Variants in PRKN observed in about 807,000 individuals in gnomAD.
PRKN encodes the protein E3 ubiquitin-protein ligase parkin.
In PRKN, 56 loss-of-function variants were observed where a neutral mutation model predicts 59.5. That is an observed-to-expected ratio of 0.94 (90% confidence interval 0.76 to 1.18). PRKN has a LOEUF of 1.18. Among genes scored for constraint, PRKN ranks in the 50% most tolerant of loss-of-function variants. The pLI is 0.00. For missense variants in PRKN, 657 were observed against 596.4 expected, an observed-to-expected ratio of 1.10 and a Z score of -1.06; for synonymous variants, 250 against 222.1, an observed-to-expected ratio of 1.13 and a Z score of -1.12.
At chr6:162,384,761 C>T (rs1161839275) in intron 2 of PRKN, among the ~76,000 whole-genome samples, 1 of 151,660 alleles carries the variant, frequency 6.6e-6, no homozygotes, top group Non-Finnish European at 1.5e-5. Flanking sequence ...TTACACGCTG[C>T]ATTTCTTTAA....
At chr6:162,606,226 T>C (rs1781907646) in intron 1 of PRKN, among the ~76,000 whole-genome samples, 1 of 152,184 alleles carries the variant, frequency 6.6e-6, no homozygotes, top group Admixed American at 6.5e-5. Flanking sequence ...ATAAACCCAA[T>C]AAACAAATTT....
At chr6:162,312,011 C>T (rs1016981887) in intron 2 of PRKN, among the ~76,000 whole-genome samples, 46 of 152,136 alleles carry the variant, frequency 3.0e-4, no homozygotes, top group Middle Eastern at 3.4e-3. Context: ...CACTTATACA[C>T]CATGCATATA....
intron 6 of PRKN, among the ~76,000 whole-genome samples, chr6:161,877,669 C>T (rs763712973): frequency 3.3e-5 from 5 of 151,768 alleles, no homozygotes; most frequent in Non-Finnish European, 1.5e-5. Flanking sequence ...AGGGTTACAC[C>T]GTGTTAGCCA....
rs1200422955 is a variant in PRKN at position 161,369,462 on chromosome 6, G to A, written c.1168-9257C>T. Among the ~76,000 whole-genome samples the A allele has an allele frequency of 2.6e-5, 4 of 152,152 alleles. No individual in the cohort carries two copies. Among genetic ancestry groups the A allele is most frequent in the African/African-American group, 9.7e-5 (4 of 41,434 alleles). ...GCTGGGTAACTTACCCTCTGTTCCC[G>A]CCTTAGTCATCAAGCTCTAAAGCAA... On this transcript the variant is annotated intron_variant, in intron 10 of 11. Coordinates refer to ENST00000366898, the MANE Select transcript of PRKN (RefSeq NM_004562.3). This position sits in a 1 kb window ranked among gnomAD's most constrained non-coding sequence, Gnocchi z 5.8.
intron 4 of PRKN, among the ~76,000 whole-genome samples, chr6:162,071,107 C>G (rs1402666615): frequency 6.6e-6 from 1 of 151,892 alleles, no homozygotes; most frequent in Non-Finnish European, 1.5e-5. Flanking sequence ...CACATCGTGT[C>G]ACGTTTTCAT....
Position 161,469,896 on chromosome 6 carries a change from G to A in PRKN, c.1083+78958C>T, listed in dbSNP as rs572231525. 3.2e-4 allele frequency among the ~76,000 whole-genome samples: 49 copies of A among 152,306 alleles called. No individual in the cohort carries two copies. In the South Asian group the frequency reaches 8.9e-3, roughly 28 times the overall value. ...GTGAGAGGTAGAGGACCACTAGCCT[G>A]CATTTTCTCATAGAAGCTATAGCAT... On this transcript the variant is annotated intron_variant, in intron 9 of 11. Coordinates refer to ENST00000366898, the MANE Select transcript of PRKN (RefSeq NM_004562.3).
intron 8 of PRKN, among the ~76,000 whole-genome samples, chr6:161,568,978 A>G (rs1414270879): frequency 6.6e-6 from 1 of 152,082 alleles, no homozygotes; most frequent in Non-Finnish European, 1.5e-5. Context: ...CTGGTAAAAA[A>G]AAAAAAAAAA....
At chr6:162,622,372 C>T (rs1362844278) in intron 1 of PRKN, among the ~76,000 whole-genome samples, 11 of 150,276 alleles carry the variant, frequency 7.3e-5, no homozygotes, top group African/African-American at 1.9e-4. Context: ...TTAGTAGAGA[C>T]GGGGTTTTGC....
chr6:162,493,020 C>G (rs1792890428), intron 1 of PRKN, among the ~76,000 whole-genome samples: 2 of 151,736 alleles, frequency 1.3e-5, no homozygotes, highest in Non-Finnish European at 2.9e-5. Context: ...GCTTCCTGCC[C>G]CCTCCCACAC....
intron 7 of PRKN, among the ~76,000 whole-genome samples, chr6:161,760,054 T>C (rs1789125684): frequency 8.0e-6 from 1 of 124,384 alleles, no homozygotes; most frequent in African/African-American, 3.0e-5. Context: ...AATATACCCT[T>C]TTACCACACA....
rs563533076 is a variant in PRKN, at chr6:161,445,029, T to G, written c.1084-58152A>C. Among the ~76,000 whole-genome samples the G allele has an allele frequency of 7.9e-4, 120 of 152,292 alleles. No individual in the cohort carries two copies. The highest frequency in any genetic ancestry group is 1.5e-3 in the Non-Finnish European group (102 of 68,034). ...TTTTAATCTCTAGGTAACCAACCCCTGCCTACATTTTACTCTGGATTCCAA... is the reference window on the plus strand; with the variant it reads ...TTTTAATCTCTAGGTAACCAACCCCGGCCTACATTTTACTCTGGATTCCAA... On this transcript the variant is annotated intron_variant, in intron 9 of 11. Transcript: ENST00000366898. This position sits in a 1 kb window ranked among gnomAD's most constrained non-coding sequence, Gnocchi z 7.7.
intron 11 of PRKN, 53 bp from the exon 12 acceptor site, chr6:161,350,264 A>G: frequency 7.9e-7 from 1 of 1,261,062 alleles, no homozygotes; most frequent in Non-Finnish European, 1.1e-6. Flanking sequence ...GTACCTGGAA[A>G]ACACGCATTC....
intron 2 of PRKN, among the ~76,000 whole-genome samples, chr6:162,279,810 T>A (rs1208738279): frequency 6.6e-6 from 1 of 152,168 alleles, no homozygotes; most frequent in Non-Finnish European, 1.5e-5. Context: ...GGAGTCTAAG[T>A]CTCTTTGTAG....
intron 7 of PRKN, among the ~76,000 whole-genome samples, chr6:161,687,498 C>A (rs772822442): frequency 5.3e-5 from 8 of 150,300 alleles, no homozygotes; most frequent in Non-Finnish European, 8.9e-5. Flanking sequence ...TCTCTGTCAC[C>A]CAGGCTGGAG....
At chr6:161,798,212 G>A (rs1225529557) in intron 6 of PRKN, among the ~76,000 whole-genome samples, 1 of 152,052 alleles carries the variant, frequency 6.6e-6, no homozygotes, top group African/African-American at 2.4e-5. Flanking sequence ...AAACAAACAA[G>A]CAAACAAACC....
chr6:162,425,653 A>C (rs1051620139), intron 2 of PRKN, among the ~76,000 whole-genome samples: 1 of 152,208 alleles, frequency 6.6e-6, no homozygotes, highest in African/African-American at 2.4e-5. Flanking sequence ...TATACAACTA[A>C]GGGCAAAAGA....
chr6:161,766,441 G>A (rs1315104618), intron 7 of PRKN, among the ~76,000 whole-genome samples: 1 of 151,882 alleles, frequency 6.6e-6, no homozygotes, highest in East Asian at 1.9e-4. Context: ...CTGAGTAGCT[G>A]GGACTACAGG....
intron 9 of PRKN, among the ~76,000 whole-genome samples, chr6:161,464,990 G>C (rs1790393508): frequency 6.6e-6 from 1 of 152,200 alleles, no homozygotes; most frequent in African/African-American, 2.4e-5. Flanking sequence ...CAGAGCTCAG[G>C]TCCTTGTGGT....
At chr6:162,651,352 C>T (rs1778425042) in intron 1 of PRKN, among the ~76,000 whole-genome samples, 2 of 152,124 alleles carry the variant, frequency 1.3e-5, no homozygotes, top group African/African-American at 4.8e-5. Flanking sequence ...AACACACTTA[C>T]GTGGAACTCT....
Sources: allele counts gnomAD v4.1 joint callset (sites outside exome capture counted in the v4.1 genomes callset), GRCh38; gene constraint gnomAD v4.1.1; non-coding constraint Gnocchi (gnomAD v3.1); transcripts MANE v1.5; gene names NCBI Gene and HGNC (gene_info 2026-07-23, HGNC 2026-07-21).